The following TMTC2 variants were observed in gnomAD, a reference collection of about 807,000 sequenced individuals.
TMTC2 encodes the protein protein O-mannosyl-transferase TMTC2.
A neutral mutation model predicts 82.4 loss-of-function variants in TMTC2; 43 were observed. That is an observed-to-expected ratio of 0.52 (90% CI 0.41 to 0.67). The LOEUF (loss-of-function observed/expected upper bound fraction) is 0.67, where lower values mean the gene tolerates loss of function less well. Ranked by LOEUF, TMTC2 falls within the 30% of genes least tolerant of loss-of-function variation. The pLI, the probability that TMTC2 is intolerant of heterozygous loss-of-function variation, is 0.00. For missense variants in TMTC2, 919 were observed against 1,012.4 expected (o/e 0.91, Z 1.25); for synonymous variants, 408 against 381.9 (o/e 1.07, Z -0.80).
intron 8 of TMTC2, among the ~76,000 whole-genome samples, chr12:83,020,505 G>A (rs1880868604): frequency 6.6e-6 from 1 of 152,092 alleles, no homozygotes; most frequent in Non-Finnish European, 1.5e-5. Flanking sequence ...TAACTTTATT[G>A]TAAATTTAAT....
intron 2 of TMTC2, among the ~76,000 whole-genome samples, chr12:82,878,475 G>T (rs2137151215): frequency 6.6e-6 from 1 of 152,264 alleles, no homozygotes; most frequent in East Asian, 1.9e-4. Context: ...TAGAACTTAG[G>T]CTGGAGGTAA....
chr12:82,909,531 G>A (rs769776746), intron 3 of TMTC2, among the ~76,000 whole-genome samples: 2 of 151,898 alleles, frequency 1.3e-5, no homozygotes, highest in Non-Finnish European at 2.9e-5. Context: ...TAGTAGAGAT[G>A]GGGTTTCACC....
chr12:82,695,068 G>T (rs1006909361), intron 1 of TMTC2, among the ~76,000 whole-genome samples: 8 of 152,190 alleles, frequency 5.3e-5, no homozygotes, highest in African/African-American at 1.9e-4. Context: ...AGTGGCCACT[G>T]GGACGCAATA....
intron 8 of TMTC2, among the ~76,000 whole-genome samples, chr12:83,000,324 T>C (rs941067917): frequency 1.3e-5 from 2 of 152,042 alleles, no homozygotes; most frequent in Non-Finnish European, 2.9e-5. Context: ...TTAGTAGAGA[T>C]GGGGTTTCAC....
At chr12:82,975,889 C>CT (rs755150255) in intron 7 of TMTC2, among the ~76,000 whole-genome samples, 1,494 of 105,024 alleles carry the variant, frequency 0.014, 24 homozygotes, top group African/African-American at 0.046. Flanking sequence ...CTGGTATAAA[C>CT]TTTTTTTTAA....
intron 11 of TMTC2, among the ~76,000 whole-genome samples, chr12:83,083,898 T>C (rs1044733757): frequency 6.6e-6 from 1 of 152,202 alleles, no homozygotes; most frequent in Admixed American, 6.5e-5. Context: ...TACTTCAAGG[T>C]TTATTTCAAG....
chr12:83,091,615 T>TG (rs1393437686), intron 11 of TMTC2, among the ~76,000 whole-genome samples: 1 of 152,244 alleles, frequency 6.6e-6, no homozygotes, highest in African/African-American at 2.4e-5. Flanking sequence ...TACATCTTTT[T>TG]GGCTACTACT....
At chr12:83,035,590 A>G (rs1282097633) in intron 9 of TMTC2, among the ~76,000 whole-genome samples, 2 of 152,230 alleles carry the variant, frequency 1.3e-5, no homozygotes, top group Non-Finnish European at 2.9e-5. Context: ...AAGTAATAAT[A>G]CAACATTGTG....
At chr12:82,962,563 A>G (rs188677039) in intron 4 of TMTC2, among the ~76,000 whole-genome samples, 7 of 152,170 alleles carry the variant, frequency 4.6e-5, no homozygotes, top group Non-Finnish European at 1.5e-5. Context: ...TGTGTTAATT[A>G]CAAAGATTTT....
intron 1 of TMTC2, among the ~76,000 whole-genome samples, chr12:82,695,844 G>T (rs908140545): frequency 2.6e-5 from 4 of 152,166 alleles, no homozygotes; most frequent in African/African-American, 9.7e-5. Flanking sequence ...TCTCAAAGTG[G>T]GGCTGGCAGC....
At chr12:83,075,027 A>G (rs1406932115) in intron 11 of TMTC2, among the ~76,000 whole-genome samples, 1 of 152,120 alleles carries the variant, frequency 6.6e-6, no homozygotes, top group East Asian at 1.9e-4. Context: ...CTGCTTGGGG[A>G]CCGAGCGAGC....
intron 1 of TMTC2, among the ~76,000 whole-genome samples, chr12:82,715,438 A>T (rs1324170122): frequency 6.6e-6 from 1 of 152,158 alleles, no homozygotes; most frequent in African/African-American, 2.4e-5. Context: ...GGGGATAGGA[A>T]ATGATTTTTA....
chr12:82,806,287 A>T (rs1442542041), intron 1 of TMTC2, among the ~76,000 whole-genome samples: 1 of 152,176 alleles, frequency 6.6e-6, no homozygotes. Context: ...TCAATTAGTC[A>T]CACAAGTACA....
intron 8 of TMTC2, among the ~76,000 whole-genome samples, chr12:83,012,380 A>G (rs1396508427): frequency 1.3e-5 from 2 of 152,194 alleles, no homozygotes; most frequent in African/African-American, 4.8e-5. Context: ...TAAGTGGGTT[A>G]AAGTAAGTAA....
At chr12:83,070,918 G>T (rs189397428) in intron 11 of TMTC2, among the ~76,000 whole-genome samples, 2 of 152,062 alleles carry the variant, frequency 1.3e-5, no homozygotes, top group African/African-American at 4.8e-5. Context: ...GGATTTTGTC[G>T]AATGCTTTTT....
At chr12:82,718,661 T>C (rs1874014235) in intron 1 of TMTC2, among the ~76,000 whole-genome samples, 1 of 152,168 alleles carries the variant, frequency 6.6e-6, no homozygotes, top group Non-Finnish European at 1.5e-5. Context: ...GACAGGGCCA[T>C]TTTTGCCTGC....
chr12:82,772,545 C>A (rs1056949076), intron 1 of TMTC2, among the ~76,000 whole-genome samples: 1 of 152,146 alleles, frequency 6.6e-6, no homozygotes, highest in African/African-American at 2.4e-5. Flanking sequence ...TAAAACATTT[C>A]CATCATTGCA....
At chr12:82,696,963 C>CATACATATATATATATATATATATAT (rs1491534159) in intron 1 of TMTC2, among the ~76,000 whole-genome samples, 4 of 121,348 alleles carry the variant, frequency 3.3e-5, no homozygotes, top group Admixed American at 8.5e-5. Context: ...TACATACATA[C>CATACATATATATATATATATATATAT]GTATATATAT....
chr12:82,772,647 G>A (rs1437383366), intron 1 of TMTC2, among the ~76,000 whole-genome samples: 1 of 152,164 alleles, frequency 6.6e-6, no homozygotes, highest in Non-Finnish European at 1.5e-5. Context: ...GGAGTAGTGA[G>A]TAGTTAACTT....
Sources: gnomAD v4.1 joint callset for allele counts (sites outside exome capture counted in the v4.1 genomes callset) on GRCh38, gnomAD v4.1.1 for gene constraint, MANE v1.5 for transcripts, NCBI Gene and HGNC (gene_info 2026-07-23, HGNC 2026-07-21) for gene names.